EDA: variants seen among roughly 807,000 people sequenced by gnomAD.
EDA encodes ectodysplasin A.
A neutral mutation model predicts 23.6 loss-of-function variants in EDA; 2 were observed. That is an observed-to-expected ratio of 0.08 (90% confidence interval 0.03 to 0.27). EDA has a LOEUF of 0.27. EDA is among the 10% of genes least tolerant of loss of function. The pLI, the probability that EDA is intolerant of heterozygous loss-of-function variation, is 1.00. For synonymous variants in EDA, 131 were observed against 132.0 expected (o/e 0.99, Z 0.05); for missense variants, 229 against 324.2 (o/e 0.71, Z 2.26).
chrX:69,676,818 T>G (rs1454345351), intron 1 of EDA, among the ~76,000 whole-genome samples: 1 of 111,257 alleles, frequency 9.0e-6, no homozygotes, highest in African/African-American at 3.3e-5. Flanking sequence ...GGCTTTATCC[T>G]TTGCTGTTTT....
intron 1 of EDA, among the ~76,000 whole-genome samples, chrX:69,811,958 G>A (rs1020279741): frequency 9.0e-6 from 1 of 111,548 alleles, no homozygotes; most frequent in African/African-American, 3.3e-5. Context: ...ACAAAAAGGG[G>A]AAGGGACAGG....
intron 1 of EDA, among the ~76,000 whole-genome samples, chrX:69,896,880 A>G (rs2018024694): frequency 8.9e-6 from 1 of 111,754 alleles, no homozygotes; most frequent in South Asian, 3.7e-4. Flanking sequence ...ATTTACCTTA[A>G]TTTTCCTGTA....
At chrX:69,958,152 T>G (rs1245630427) in intron 2 of EDA, among the ~76,000 whole-genome samples, 1 of 111,901 alleles carries the variant, frequency 8.9e-6, no homozygotes, top group Admixed American at 9.5e-5. Flanking sequence ...GGTCTTTGAA[T>G]TGCTCTGATA....
At chrX:69,959,952 A>T (rs2019075080) in intron 2 of EDA, among the ~76,000 whole-genome samples, 1 of 111,763 alleles carries the variant, frequency 8.9e-6, no homozygotes, top group South Asian at 3.8e-4. Flanking sequence ...GGAGCAGAGT[A>T]AGAAGAGGAA....
chrX:69,668,380 G>A (rs1413763792), intron 1 of EDA, among the ~76,000 whole-genome samples: 1 of 111,608 alleles, frequency 9.0e-6, no homozygotes, highest in Non-Finnish European at 1.9e-5. Flanking sequence ...GGCCTAACAT[G>A]GCCTATCCTG....
intron 1 of EDA, among the ~76,000 whole-genome samples, chrX:69,831,978 T>A: frequency 9.0e-6 from 1 of 111,587 alleles, no homozygotes. Context: ...TTTCTCCCAT[T>A]CTGTAGGTTA....
At chrX:69,619,725 C>T (rs1932105548) in intron 1 of EDA, among the ~76,000 whole-genome samples, 1 of 111,736 alleles carries the variant, frequency 8.9e-6, no homozygotes, top group Non-Finnish European at 1.9e-5. Context: ...TGAATTAGGA[C>T]AATATACAGT....
intron 1 of EDA, among the ~76,000 whole-genome samples, chrX:69,681,065 T>C (rs1265134363): frequency 2.7e-5 from 3 of 110,476 alleles, no homozygotes; most frequent in African/African-American, 9.9e-5. Context: ...GTATTTTATT[T>C]CTCCTTCACT....
intron 1 of EDA, among the ~76,000 whole-genome samples, chrX:69,788,727 G>A (rs1208613113): frequency 4.4e-5 from 5 of 113,181 alleles, no homozygotes; most frequent in Non-Finnish European, 7.5e-5. Flanking sequence ...AGTCTGCAGA[G>A]GTTACTGCTG....
chrX:70,016,201 C>G (rs1007255797), intron 2 of EDA, among the ~76,000 whole-genome samples: 1 of 111,374 alleles, frequency 9.0e-6, no homozygotes, highest in Non-Finnish European at 1.9e-5. Flanking sequence ...TATATATGTA[C>G]CCAACACAGG....
chrX:69,770,168 G>A (rs1010729299), intron 1 of EDA, among the ~76,000 whole-genome samples: 3 of 111,706 alleles, frequency 2.7e-5, no homozygotes, highest in African/African-American at 9.8e-5. Flanking sequence ...TCCAGTTTTT[G>A]GCTATAATGA....
chrX:69,783,331 C>T (rs1405349214), intron 1 of EDA, among the ~76,000 whole-genome samples: 2 of 109,635 alleles, frequency 1.8e-5, no homozygotes, highest in Non-Finnish European at 3.8e-5. Context: ...TACATGTGCA[C>T]AATGTGCAGG....
chrX:69,723,674 C>T (rs928779928), intron 1 of EDA, among the ~76,000 whole-genome samples: 2 of 111,701 alleles, frequency 1.8e-5, no homozygotes, highest in East Asian at 5.6e-4. Flanking sequence ...TTGGTAAATT[C>T]TTTAGGTTTC....
At chrX:69,877,044 A>AGAAAAT (rs1323709392) in intron 1 of EDA, among the ~76,000 whole-genome samples, 12 of 112,653 alleles carry the variant, frequency 1.1e-4, no homozygotes, top group Admixed American at 9.4e-5. Context: ...CACTAGACCC[A>AGAAAAT]GCAGGGTGGC....
At chrX:69,762,852 G>A (rs2014354344) in intron 1 of EDA, among the ~76,000 whole-genome samples, 1 of 111,832 alleles carries the variant, frequency 8.9e-6, no homozygotes, top group South Asian at 3.7e-4. Context: ...AGGAAAGATT[G>A]TATCCTTCAT....
intron 1 of EDA, among the ~76,000 whole-genome samples, chrX:69,669,043 A>G (rs1471199884): frequency 8.9e-6 from 1 of 111,790 alleles, no homozygotes; most frequent in East Asian, 2.8e-4. Context: ...TCTTGTAAAA[A>G]TTTTTGACTG....
chrX:69,829,769 C>A (rs984606753), intron 1 of EDA, among the ~76,000 whole-genome samples: 1 of 112,072 alleles, frequency 8.9e-6, no homozygotes, highest in Admixed American at 9.5e-5. Context: ...CTTTAACTTA[C>A]TTCAGTGCTC....
rs954721200 is a variant in EDA, at chrX:70,037,583, C to T, written c.*1974C>T. 8.9e-6 allele frequency: 1 copy of T among 111,734 alleles called. No individual in the cohort carries two copies. Among genetic ancestry groups the T allele is most frequent in the Admixed American group, 9.5e-5 (1 of 10,557 alleles). 9.2% of individuals were successfully genotyped at this position (111,734 alleles called of 1,213,427 possible). A position where few individuals can be genotyped will look rare whatever the true frequency, so the allele number is the denominator to read the frequency against. ...TCAGAGTGTTTTGACCAGTTTAAGCCGCAGACCTGGAGCTTCAGCCAGGTC... is the reference window on the plus strand; with the variant it reads ...TCAGAGTGTTTTGACCAGTTTAAGCTGCAGACCTGGAGCTTCAGCCAGGTC... On this transcript the variant is annotated 3_prime_UTR_variant, in exon 8 of 8. Transcript: ENST00000374552.
chrX:69,766,026 G>A (rs764050237), intron 1 of EDA, among the ~76,000 whole-genome samples: 1 of 111,800 alleles, frequency 8.9e-6, no homozygotes, highest in Non-Finnish European at 1.9e-5. Context: ...CGATACCCTT[G>A]AGATTTATCT....
Sources: allele counts gnomAD v4.1 joint callset (sites outside exome capture counted in the v4.1 genomes callset), GRCh38; gene constraint gnomAD v4.1.1; transcripts MANE v1.5; gene names NCBI Gene and HGNC (gene_info 2026-07-23, HGNC 2026-07-21).